Variants in ZNF407 observed in about 807,000 individuals in gnomAD.
ZNF407 encodes the protein zinc finger protein 407.
In ZNF407, 17 loss-of-function variants were observed where a neutral mutation model predicts 131.2. The observed-to-expected ratio is 0.13, with a 90% CI of 0.09 to 0.19. ZNF407 has a LOEUF of 0.19. ZNF407 is among the 10% of genes least tolerant of loss of function. ZNF407 has a pLI of 1.00. For synonymous variants in ZNF407, 1,156 were observed against 1,062.0 expected (o/e 1.09, Z -1.72); for missense variants, 2,681 against 2,830.6 (o/e 0.95, Z 1.20).
At chr18:74,978,656 G>T (rs1042299586) in intron 8 of ZNF407, among the ~76,000 whole-genome samples, 1 of 151,574 alleles carries the variant, frequency 6.6e-6, no homozygotes, top group Non-Finnish European at 1.5e-5. Context: ...TGAGAAAGGA[G>T]GGGTAGAGTA....
intron 8 of ZNF407, among the ~76,000 whole-genome samples, chr18:75,054,290 A>C (rs1973536357): frequency 6.6e-6 from 1 of 152,176 alleles, no homozygotes; most frequent in African/African-American, 2.4e-5. Flanking sequence ...GTTTACTGTA[A>C]ATTTGATTTT....
chr18:74,924,773 G>A (rs1971891248), intron 8 of ZNF407, among the ~76,000 whole-genome samples: 1 of 152,118 alleles, frequency 6.6e-6, no homozygotes, highest in African/African-American at 2.4e-5. Context: ...AGGCTGCTCA[G>A]CCTTCTCTGA....
intron 4 of ZNF407, among the ~76,000 whole-genome samples, chr18:74,827,046 C>G (rs548875829): frequency 6.6e-6 from 1 of 152,314 alleles, no homozygotes; most frequent in African/African-American, 2.4e-5. Flanking sequence ...GACCAGTTGT[C>G]ACGTCTTCCT....
At chr18:74,871,336 A>T (rs576825291) in intron 4 of ZNF407, among the ~76,000 whole-genome samples, 17 of 152,202 alleles carry the variant, frequency 1.1e-4, no homozygotes, top group Admixed American at 1.1e-3. Flanking sequence ...TATCTTGAAA[A>T]AAGAAGGCTT....
At chr18:74,851,713 A>G (rs1599197130) in intron 4 of ZNF407, among the ~76,000 whole-genome samples, 1 of 152,210 alleles carries the variant, frequency 6.6e-6, no homozygotes, top group Admixed American at 6.5e-5. Flanking sequence ...ATTTAGATGA[A>G]TGAGTTCTCA....
chr18:74,933,775 A>G (rs554567948), intron 8 of ZNF407, among the ~76,000 whole-genome samples: 1 of 152,336 alleles, frequency 6.6e-6, no homozygotes, highest in Non-Finnish European at 1.5e-5. Context: ...CTGAAATTTA[A>G]TGGACTAAAC....
In ZNF407 at chr18:75,034,560, C is replaced by T. The variant is rs540004483; in HGVS notation, c.5429-28590C>T. 6.6e-5 allele frequency among the ~76,000 whole-genome samples: 10 copies of T among 151,484 alleles called. No individual in the cohort carries two copies. The South Asian group carries it at 1.5e-3, about 22-fold the overall frequency. On this transcript the variant is annotated intron_variant, in intron 8 of 8. Transcript: ENST00000299687. ...CTCGTGATCCGCCCGTCTCGGCCTCCCAAAGTGCTGGGATTACAGGCGTGA... is the reference window on the plus strand; with the variant it reads ...CTCGTGATCCGCCCGTCTCGGCCTCTCAAAGTGCTGGGATTACAGGCGTGA...
At chr18:74,691,518 A>G (rs549389919) in intron 3 of ZNF407, among the ~76,000 whole-genome samples, 1 of 151,166 alleles carries the variant, frequency 6.6e-6, no homozygotes, top group Non-Finnish European at 1.5e-5. Flanking sequence ...GGCTTCATTG[A>G]GTCTTCTCTT....
chr18:74,936,331 G>A (rs1231491005), intron 8 of ZNF407, among the ~76,000 whole-genome samples: 1 of 152,184 alleles, frequency 6.6e-6, no homozygotes, highest in Non-Finnish European at 1.5e-5. Context: ...CAAAGTGTAG[G>A]ATACAGTATT....
Position 75,064,552 on chromosome 18 carries a change from G to C in ZNF407, c.*84G>C, listed in dbSNP as rs2122302820. 2 of 1,252,732 alleles carry C rather than the reference G, an allele frequency of 1.6e-6. No homozygotes were observed. The highest frequency in any genetic ancestry group is 3.4e-5 in the South Asian group (2 of 58,802). 77.6% of individuals were successfully genotyped at this position (1,252,732 alleles called of 1,614,324 possible). ...GGACCGTGTTCCCTGAGCTTCATCTGAAACCTTCAAAACCATGAGGACAAG... is the reference window on the plus strand; with the variant it reads ...GGACCGTGTTCCCTGAGCTTCATCTCAAACCTTCAAAACCATGAGGACAAG... On this transcript the variant is annotated 3_prime_UTR_variant, in exon 9 of 9. Coordinates refer to ENST00000299687, the MANE Select transcript of ZNF407 (RefSeq NM_017757.3).
intron 1 of ZNF407, among the ~76,000 whole-genome samples, chr18:74,613,652 A>AT (rs1424243072): frequency 2.4e-4 from 37 of 152,354 alleles, no homozygotes; most frequent in African/African-American, 8.7e-4. Flanking sequence ...AGGTTTCTTA[A>AT]ACAGATTTGA....
At chr18:75,022,488 A>G (rs558314136) in intron 8 of ZNF407, among the ~76,000 whole-genome samples, 11 of 152,208 alleles carry the variant, frequency 7.2e-5, no homozygotes, top group South Asian at 2.1e-4. Context: ...CACATTGTAC[A>G]TGGCCTAAGG....
chr18:75,043,004 G>A (rs1361301560), intron 8 of ZNF407, among the ~76,000 whole-genome samples: 1 of 152,184 alleles, frequency 6.6e-6, no homozygotes, highest in Non-Finnish European at 1.5e-5. Flanking sequence ...TACTGTCAAT[G>A]TTTGGCAACA....
chr18:75,034,071 A>G (rs933338067), intron 8 of ZNF407, among the ~76,000 whole-genome samples: 2 of 152,182 alleles, frequency 1.3e-5, no homozygotes, highest in Admixed American at 1.3e-4. Context: ...AAACTATTTT[A>G]AATGGCCTTG....
chr18:74,751,481 T>A (rs1482484734), intron 3 of ZNF407, among the ~76,000 whole-genome samples: 2 of 152,284 alleles, frequency 1.3e-5, no homozygotes, highest in East Asian at 1.9e-4. Flanking sequence ...CATTAACTCG[T>A]CATTTACATT....
intron 4 of ZNF407, among the ~76,000 whole-genome samples, chr18:74,789,649 A>T (rs1404347349): frequency 6.6e-6 from 1 of 152,116 alleles, no homozygotes; most frequent in Non-Finnish European, 1.5e-5. Flanking sequence ...CCAGGGAAAG[A>T]GCCTGGGCTG....
At chr18:74,692,154 CA>C (rs1967240195) in intron 3 of ZNF407, among the ~76,000 whole-genome samples, 1 of 151,814 alleles carries the variant, frequency 6.6e-6, no homozygotes, top group African/African-American at 2.4e-5. Flanking sequence ...TATATATATA[CA>C]TACATATATA....
intron 8 of ZNF407, among the ~76,000 whole-genome samples, chr18:74,929,879 G>A (rs893576997): frequency 9.9e-5 from 15 of 152,164 alleles, no homozygotes; most frequent in African/African-American, 3.4e-4. Flanking sequence ...TATTTCGCAA[G>A]TTTTTATCTT....
intron 4 of ZNF407, among the ~76,000 whole-genome samples, chr18:74,866,681 A>T (rs1971015022): frequency 6.6e-6 from 1 of 150,912 alleles, no homozygotes; most frequent in African/African-American, 2.4e-5. Flanking sequence ...TGTGAGAAAT[A>T]ATATATATAT....
Sources: gnomAD v4.1 joint callset for allele counts (sites outside exome capture counted in the v4.1 genomes callset) on GRCh38, gnomAD v4.1.1 for gene constraint, MANE v1.5 for transcripts, NCBI Gene and HGNC (gene_info 2026-07-23, HGNC 2026-07-21) for gene names.